The following PAN3 variants were observed in gnomAD, a reference collection of about 807,000 sequenced individuals.
PAN3 encodes the protein PAN2-PAN3 deadenylation complex subunit PAN3.
A neutral mutation model predicts 96.2 loss-of-function variants in PAN3; 19 were observed. That is an observed-to-expected ratio of 0.20 (90% CI 0.14 to 0.29). PAN3 has a LOEUF of 0.29. Among genes scored for constraint, PAN3 ranks in the 10% least tolerant of loss-of-function variants. The pLI is 1.00. For missense variants in PAN3, 882 were observed against 1,108.1 expected (o/e 0.80, Z 2.90); for synonymous variants, 433 against 406.6 (o/e 1.06, Z -0.78).
chr13:28,266,632 A>G (rs1886202915), intron 9 of PAN3, 83 bp from the exon 10 acceptor site: 1 of 1,117,950 alleles, frequency 8.9e-7, no homozygotes, highest in African/African-American at 1.6e-5. Flanking sequence ...AGGGGTTTAT[A>G]GTAAATATCA....
chr13:28,288,216 G>C, intron 18 of PAN3, 94 bp downstream of exon 18: 1 of 1,148,036 alleles, frequency 8.7e-7, no homozygotes. Flanking sequence ...TAAGAAATCA[G>C]GATGTACTCT....
At chr13:28,176,704 A>AAT in intron 3 of PAN3, 145 bp downstream of exon 3, 1 of 807,610 alleles carries the variant, frequency 1.2e-6, no homozygotes, top group Non-Finnish European at 1.9e-6. Context: ...CTCAGATCTA[A>AAT]CTATTGAGAT....
intron 1 of PAN3, among the ~76,000 whole-genome samples, chr13:28,145,542 G>A (rs1870518394): frequency 6.6e-6 from 1 of 151,954 alleles, no homozygotes; most frequent in Non-Finnish European, 1.5e-5. Context: ...GGCCAGGCGG[G>A]TCTCAAACTC....
chr13:28,274,161 ATTAG>A lies in PAN3; in HGVS notation c.2049+2093_2049+2096del, dbSNP rs147887614. Reference sequence around the variant, plus strand: ...AGTGGGCAACACAGGGAGGAATATGATTAGTTCTGTTTTTCCCCCAGCAGCATCA... The same window carrying A: ...AGTGGGCAACACAGGGAGGAATATGATTCTGTTTTTCCCCCAGCAGCATCA... On this transcript the variant is annotated intron_variant, in intron 14 of 18. Coordinates refer to ENST00000380958, the MANE Select transcript of PAN3 (RefSeq NM_175854.8). 4.4e-3 allele frequency among the ~76,000 whole-genome samples: 665 copies of A among 152,238 alleles called. 9 individuals are homozygous for A. The highest frequency in any genetic ancestry group is 0.015 in the African/African-American group (632 of 41,556).
intron 6 of PAN3, among the ~76,000 whole-genome samples, chr13:28,252,720 T>C (rs954721127): frequency 5.9e-5 from 9 of 152,160 alleles, no homozygotes; most frequent in Admixed American, 2.6e-4. Flanking sequence ...ACAGTGTAAT[T>C]ATTGTATACT....
intron 6 of PAN3, among the ~76,000 whole-genome samples, chr13:28,252,546 CTTTT>C (rs1884824111): frequency 1.3e-5 from 2 of 151,918 alleles, no homozygotes; most frequent in Non-Finnish European, 2.9e-5. Context: ...TCATTTCTTT[CTTTT>C]GTTAGTTCCA....
chr13:28,249,585 A>G (rs1884524555), intron 6 of PAN3, among the ~76,000 whole-genome samples: 2 of 151,926 alleles, frequency 1.3e-5, no homozygotes, highest in Admixed American at 6.6e-5. Context: ...AGTAGCTGGG[A>G]CTACAGGTGC....
chr13:28,289,743 A>C (rs577515301), intron 18 of PAN3, among the ~76,000 whole-genome samples: 7 of 152,162 alleles, frequency 4.6e-5, no homozygotes, highest in Non-Finnish European at 1.0e-4. Flanking sequence ...TTAGCCGGGC[A>C]TGGTGACAGG....
intron 4 of PAN3, among the ~76,000 whole-genome samples, chr13:28,185,308 T>C (rs887134636): frequency 3.3e-5 from 5 of 152,190 alleles, no homozygotes; most frequent in Admixed American, 2.6e-4. Flanking sequence ...GTAGTTCTTA[T>C]AGAGAAAGAC....
At chr13:28,177,492 C>T (rs1020819510) in intron 3 of PAN3, among the ~76,000 whole-genome samples, 6 of 152,116 alleles carry the variant, frequency 3.9e-5, no homozygotes, top group Non-Finnish European at 5.9e-5. Flanking sequence ...CCCCACCCCT[C>T]ACCCTCCTTT....
chr13:28,172,025 C>G (rs753044491), intron 1 of PAN3, among the ~76,000 whole-genome samples: 5 of 152,124 alleles, frequency 3.3e-5, no homozygotes, highest in Non-Finnish European at 7.4e-5. Flanking sequence ...ATGCTCCCAG[C>G]ACCAAATATT....
intron 6 of PAN3, among the ~76,000 whole-genome samples, chr13:28,228,381 T>C (rs1882215954): frequency 6.6e-6 from 1 of 152,168 alleles, no homozygotes; most frequent in African/African-American, 2.4e-5. Flanking sequence ...TGTGGCCTTT[T>C]TCAAACCCCC....
At chr13:28,289,663 C>T (rs1377926195) in intron 18 of PAN3, among the ~76,000 whole-genome samples, 3 of 152,100 alleles carry the variant, frequency 2.0e-5, no homozygotes, top group Admixed American at 6.5e-5. Flanking sequence ...GGGCGGATCA[C>T]GAGGTCAGGA....
chr13:28,169,401 T>C (rs1429573210), intron 1 of PAN3, among the ~76,000 whole-genome samples: 2 of 151,316 alleles, frequency 1.3e-5, no homozygotes, highest in Non-Finnish European at 2.9e-5. Context: ...GGCTAATGCT[T>C]GTATTTTTAG....
chr13:28,256,573 C>CT, intron 7 of PAN3, 34 bp downstream of exon 7: 5 of 1,581,448 alleles, frequency 3.2e-6, no homozygotes, highest in Non-Finnish European at 3.4e-6. Context: ...TTTTAGTACT[C>CT]TCTTGTAACA....
At chr13:28,163,758 G>T (rs76694503) in intron 1 of PAN3, among the ~76,000 whole-genome samples, 1 of 152,102 alleles carries the variant, frequency 6.6e-6, no homozygotes, top group African/African-American at 2.4e-5. Flanking sequence ...AAGTTCAATC[G>T]TTATATGATT....
chr13:28,203,447 G>A (rs1022460013), intron 5 of PAN3, among the ~76,000 whole-genome samples: 1 of 152,010 alleles, frequency 6.6e-6, no homozygotes, highest in Non-Finnish European at 1.5e-5. Context: ...GGGACTACAG[G>A]TATGTGCAAC....
intron 4 of PAN3, among the ~76,000 whole-genome samples, chr13:28,194,009 T>C (rs1877649219): frequency 6.6e-6 from 1 of 151,726 alleles, no homozygotes; most frequent in Non-Finnish European, 1.5e-5. Flanking sequence ...ATAGAAAAAT[T>C]AGCCAGGTGT....
intron 5 of PAN3, among the ~76,000 whole-genome samples, chr13:28,207,929 C>G (rs1879568406): frequency 6.6e-6 from 1 of 152,110 alleles, no homozygotes; most frequent in Non-Finnish European, 1.5e-5. Flanking sequence ...CTCACAGCGC[C>G]TAGTACACTG....
Sources: allele counts gnomAD v4.1 joint callset (sites outside exome capture counted in the v4.1 genomes callset), GRCh38; gene constraint gnomAD v4.1.1; transcripts MANE v1.5; gene names NCBI Gene and HGNC (gene_info 2026-07-23, HGNC 2026-07-21).